The following GRIK2 variants were observed in gnomAD, a reference collection of about 807,000 sequenced individuals.
GRIK2 encodes glutamate receptor ionotropic, kainate 2.
In GRIK2, 32 loss-of-function variants were observed where a neutral mutation model predicts 100.3. The observed-to-expected ratio is 0.32, with a 90% CI of 0.24 to 0.43. The LOEUF (loss-of-function observed/expected upper bound fraction) is 0.43, where lower values mean the gene tolerates loss of function less well. Among genes scored for constraint, GRIK2 ranks in the 20% least tolerant of loss-of-function variants. GRIK2 has a pLI of 1.00. For missense variants in GRIK2, 843 were observed against 1,114.9 expected (o/e 0.76, Z 3.47); for synonymous variants, 417 against 389.4 (o/e 1.07, Z -0.83).
intron 7 of GRIK2, among the ~76,000 whole-genome samples, chr6:101,764,360 G>T (rs1399228607): frequency 6.6e-6 from 1 of 151,898 alleles, no homozygotes; most frequent in Non-Finnish European, 1.5e-5. Context: ...TACTGATGGG[G>T]ATACAGCAGT....
chr6:101,451,433 C>T (rs1270395109), intron 2 of GRIK2, among the ~76,000 whole-genome samples: 1 of 151,592 alleles, frequency 6.6e-6, no homozygotes, highest in Non-Finnish European at 1.5e-5. Flanking sequence ...TTCATAGCTA[C>T]TAGCAGTCAT....
At chr6:101,781,550 C>T (rs984199577) in intron 7 of GRIK2, among the ~76,000 whole-genome samples, 5 of 152,060 alleles carry the variant, frequency 3.3e-5, no homozygotes, top group African/African-American at 1.2e-4. Flanking sequence ...CATACATATA[C>T]ACATATGCAT....
At chr6:101,758,276 G>A (rs1339986658) in intron 7 of GRIK2, among the ~76,000 whole-genome samples, 1 of 152,088 alleles carries the variant, frequency 6.6e-6, no homozygotes, top group African/African-American at 2.4e-5. Context: ...TGAGTATAAA[G>A]TATAGTGTAT....
At chr6:101,835,443 G>A (rs951227428) in intron 10 of GRIK2, among the ~76,000 whole-genome samples, 2 of 147,124 alleles carry the variant, frequency 1.4e-5, no homozygotes, top group East Asian at 4.1e-4. Flanking sequence ...ATAAAAAGAG[G>A]TACAGATTAC....
intron 2 of GRIK2, among the ~76,000 whole-genome samples, chr6:101,616,961 T>C (rs998253897): frequency 2.6e-5 from 4 of 151,716 alleles, no homozygotes; most frequent in South Asian, 2.1e-4. Flanking sequence ...CTAGTTTTTT[T>C]ATTGAATATA....
chr6:102,056,052 C>A (rs747982769), intron 16 of GRIK2, among the ~76,000 whole-genome samples: 2 of 151,662 alleles, frequency 1.3e-5, no homozygotes, highest in Non-Finnish European at 2.9e-5. Context: ...CAATAAATTT[C>A]TAGTTTAAGA....
At chr6:101,567,006 TA>T (rs1239672370) in intron 2 of GRIK2, among the ~76,000 whole-genome samples, 1 of 151,182 alleles carries the variant, frequency 6.6e-6, no homozygotes, top group Non-Finnish European at 1.5e-5. Flanking sequence ...ATCTATTAAA[TA>T]AAAATTTCTT....
At chr6:101,755,108 C>T (rs1777045321) in intron 7 of GRIK2, among the ~76,000 whole-genome samples, 1 of 151,486 alleles carries the variant, frequency 6.6e-6, no homozygotes, top group Non-Finnish European at 1.5e-5. Flanking sequence ...CTTAAACTCA[C>T]TGTCCCTTAT....
At position 101,794,206 on chromosome 6, in the gene GRIK2, C is replaced by T. The variant is rs545293467; in HGVS notation, c.952-5442C>T. Among the ~76,000 whole-genome samples the T allele has an allele frequency of 2.4e-3, 365 of 152,214 alleles. 1 individual carries two copies. Among genetic ancestry groups the T allele is most frequent in the South Asian group, 0.012 (59 of 4,818 alleles). The stretch of plus-strand genomic sequence containing the variant: ...GCCCTGCTTCGGCTCGCGCACAGTG[C>T]ACTGCACTGCTGTTCTGTGCCCACT... On this transcript the variant is annotated intron_variant, in intron 7 of 16. Coordinates refer to ENST00000369134, the MANE Select transcript of GRIK2 (RefSeq NM_021956.5).
chr6:101,789,965 G>A (rs887109346), intron 7 of GRIK2, among the ~76,000 whole-genome samples: 1 of 152,108 alleles, frequency 6.6e-6, no homozygotes, highest in Non-Finnish European at 1.5e-5. Context: ...TCTCTTTGAA[G>A]CAATTGTGAA....
intron 2 of GRIK2, among the ~76,000 whole-genome samples, chr6:101,542,560 C>A (rs1279671619): frequency 6.6e-6 from 1 of 151,958 alleles, no homozygotes; most frequent in African/African-American, 2.4e-5. Context: ...ATTGCATCAG[C>A]AAATATGCAT....
chr6:101,541,430 T>A (rs2518309), intron 2 of GRIK2, among the ~76,000 whole-genome samples: 99,098 of 129,806 alleles, frequency 0.76, 34,510 homozygotes, highest in Non-Finnish European at 0.8. Flanking sequence ...ACACACACAC[T>A]ACACCCTTAT....
At chr6:101,826,229 T>C (rs1377682241) in intron 10 of GRIK2, among the ~76,000 whole-genome samples, 1 of 152,046 alleles carries the variant, frequency 6.6e-6, no homozygotes, top group Non-Finnish European at 1.5e-5. Flanking sequence ...TGTTCATGGG[T>C]ACTACTGAAT....
chr6:101,910,530 A>G (rs2518272), intron 12 of GRIK2, among the ~76,000 whole-genome samples: 128,289 of 151,136 alleles, frequency 0.85, 54,573 homozygotes, highest in East Asian at 0.94. Context: ...TTAGCAATGT[A>G]TAATTTTGTG....
At chr6:101,626,202 A>G (rs1244596539) in intron 3 of GRIK2, among the ~76,000 whole-genome samples, 178 bp from the exon 4 acceptor site, 1 of 152,190 alleles carries the variant, frequency 6.6e-6, no homozygotes, top group Non-Finnish European at 1.5e-5. Context: ...CCTTGTAACA[A>G]ACGGAAAGTG....
intron 7 of GRIK2, among the ~76,000 whole-genome samples, chr6:101,712,661 A>G (rs1773797384): frequency 6.6e-6 from 1 of 151,824 alleles, no homozygotes; most frequent in Non-Finnish European, 1.5e-5. Context: ...TGCTTATGAG[A>G]AAGAAGATAT....
At chr6:101,839,326 G>A (rs2791821) in intron 10 of GRIK2, among the ~76,000 whole-genome samples, 16,638 of 152,090 alleles carry the variant, frequency 0.11, 1,942 homozygotes, top group East Asian at 0.66. Context: ...AGGAATGTAA[G>A]ATATTTCAGA....
chr6:101,693,704 T>C (rs1772270331), intron 7 of GRIK2, among the ~76,000 whole-genome samples: 1 of 151,912 alleles, frequency 6.6e-6, no homozygotes, highest in South Asian at 2.1e-4. Flanking sequence ...CAGATAGATA[T>C]ATACATATAA....
intron 2 of GRIK2, among the ~76,000 whole-genome samples, chr6:101,610,457 C>G (rs1779621444): frequency 6.6e-6 from 1 of 151,740 alleles, no homozygotes; most frequent in African/African-American, 2.4e-5. Context: ...ATATTTGCAT[C>G]TATATTTTAT....
Sources: allele counts gnomAD v4.1 joint callset (sites outside exome capture counted in the v4.1 genomes callset), GRCh38; gene constraint gnomAD v4.1.1; transcripts MANE v1.5; gene names NCBI Gene and HGNC (gene_info 2026-07-23, HGNC 2026-07-21).